PRSS27: variants seen among roughly 807,000 people sequenced by gnomAD.
PRSS27 encodes the protein channel-activating protease 2.
A neutral mutation model predicts 32.0 loss-of-function variants in PRSS27; 25 were observed. The observed-to-expected ratio is 0.78, with a 90% confidence interval of 0.57 to 1.09. PRSS27 has a LOEUF of 1.09. PRSS27 is among the 50% of genes least tolerant of loss of function. PRSS27 has a pLI of 0.00. For missense variants in PRSS27, 401 were observed against 394.9 expected (o/e 1.02, Z -0.13); for synonymous variants, 178 against 172.2 (o/e 1.03, Z -0.26).
At position 2,713,108 on chromosome 16, in the gene PRSS27, T is replaced by G. The variant is rs114308287; in HGVS notation, c.679-294A>C. The G allele has an allele frequency of 4.8e-3, 2,362 of 496,372 alleles. 46 individuals are homozygous for G. Among genetic ancestry groups the G allele is most frequent in the African/African-American group, 0.041 (2,130 of 52,050 alleles). The allele number at this position is 496,372 out of a possible 1,614,324, so 30.7% of individuals were successfully genotyped here. ...TCCAGGAATCTGCTTTTTCTTTTTT[T>G]TTTTTATTGAGACGGAGTCTTGCTC... On this transcript the variant is annotated intron_variant, in intron 5 of 5. Coordinates refer to ENST00000302641, the MANE Select transcript of PRSS27 (RefSeq NM_031948.5).
intron 3 of PRSS27, 149 bp downstream of exon 3, chr16:2,715,569 G>A: frequency 1.7e-6 from 1 of 574,832 alleles, no homozygotes. Flanking sequence ...GGACCTAAGG[G>A]AAGCATCTGG....
chr16:2,713,850 C>T (rs1442273002), intron 4 of PRSS27, 152 bp from the exon 5 acceptor site: 3 of 1,014,354 alleles, frequency 3.0e-6, no homozygotes, highest in African/African-American at 1.6e-5. Flanking sequence ...TCCCTCCTTC[C>T]AGGCAGCAGG....
chr16:2,712,565 G>A lies in PRSS27; in HGVS notation c.*55C>T. Reference sequence around the variant, plus strand: ...GCTGGGAGGACCAGCAGGATGGTGTGGGCGGGCAGGCTGGGTGCAGAGCTC... The same window carrying A: ...GCTGGGAGGACCAGCAGGATGGTGTAGGCGGGCAGGCTGGGTGCAGAGCTC... On this transcript the variant is annotated 3_prime_UTR_variant, in exon 6 of 6. Transcript: ENST00000302641. The surrounding 1 kb of genome is among the most constrained non-coding windows in gnomAD (Gnocchi z 4.6). 1 of 1,472,212 alleles carries A rather than the reference G, an allele frequency of 6.8e-7. No homozygotes were observed. The highest frequency in any genetic ancestry group is 1.2e-5 in the South Asian group (1 of 80,802). 91.2% of individuals were successfully genotyped at this position (1,472,212 alleles called of 1,614,324 possible).
In PRSS27 at chr16:2,712,968, C is replaced by A; in HGVS notation, c.679-154G>T. On this transcript the variant is annotated intron_variant, in intron 5 of 5. Transcript: ENST00000302641. This position sits in a 1 kb window ranked among gnomAD's most constrained non-coding sequence, Gnocchi z 4.6. ...CCCCATCCCCTGCCAGTCCGATTGT[C>A]TAAAGTGCCTATTCTTTAGTGTCCC... is the stretch of plus-strand genomic sequence containing the variant. The A allele has an allele frequency of 1.6e-6, 1 of 617,482 alleles. No individual in the cohort carries two copies. The highest frequency in any genetic ancestry group is 2.8e-6 in the Non-Finnish European group (1 of 360,704). The allele number at this position is 617,482 out of a possible 1,614,324, so 38.3% of individuals were successfully genotyped here.
At chr16:2,719,224 C>T (rs946382811) in intron 1 of PRSS27, among the ~76,000 whole-genome samples, 6 of 152,164 alleles carry the variant, frequency 3.9e-5, no homozygotes, top group African/African-American at 1.4e-4. Context: ...CTCCTGTGCA[C>T]ATGGCTTGCT....
chr16:2,713,091 TCTG>T, intron 5 of PRSS27: 1 of 522,930 alleles, frequency 1.9e-6, no homozygotes, highest in Non-Finnish European at 3.4e-6. Context: ...GGTCCAGGAA[TCTG>T]CTTTTTCTTT....
intron 1 of PRSS27, among the ~76,000 whole-genome samples, chr16:2,718,938 T>C (rs2067718843): frequency 6.6e-6 from 1 of 151,788 alleles, no homozygotes; most frequent in East Asian, 1.9e-4. Context: ...CTGTGGGGGC[T>C]GGAAGCAACA....
In PRSS27 at chr16:2,715,774, G is replaced by T. The variant is rs769173151; in HGVS notation, c.180C>A (p.Cys60Ter). The T allele has an allele frequency of 1.3e-6, 2 of 1,596,084 alleles. No homozygotes were observed. The highest frequency in any genetic ancestry group is 1.7e-6 in the Non-Finnish European group (2 of 1,174,442). Reference protein sequence around the residue: ...VSIQRNGSHFCGGSLIAEQWV... With the variant: ...VSIQRNGSHF ...ACTGCTCCGCGATGAGGCTGCCCCC[G>T]CAGAAGTGGCTTCCGTTGCGCTGGA... The change falls in exon 3 of 6, where the codon TGC becomes TGA. Residue 60 changes from cysteine (C) to a stop codon, truncating the protein, a stop_gained. Transcript: ENST00000302641. LOFTEE classifies it high-confidence loss of function.
chr16:2,715,641 G>T, intron 3 of PRSS27, 77 bp downstream of exon 3: 2 of 1,199,614 alleles, frequency 1.7e-6, no homozygotes, highest in Non-Finnish European at 2.2e-6. Flanking sequence ...CGCGGCGGGC[G>T]CTGTCCACGG....
chr16:2,718,486 T>A (rs1030395314), intron 1 of PRSS27: 1 of 151,742 alleles, frequency 6.6e-6, no homozygotes, highest in African/African-American at 2.4e-5. Flanking sequence ...CCCGGCTAAT[T>A]TTTTTGTATT....
chr16:2,714,544 CT>C lies in PRSS27; in HGVS notation c.237-209del, dbSNP rs2067689256. ...CCGACTCAGATTTCCACCTCCACCCCTGGCCGCTGTGTGGCCTTGGGCAAGT... is the reference window on the plus strand; with the variant it reads ...CCGACTCAGATTTCCACCTCCACCCCGGCCGCTGTGTGGCCTTGGGCAAGT... On this transcript the variant is annotated intron_variant, in intron 3 of 5. Transcript: ENST00000302641. The surrounding 1 kb of genome is among the most constrained non-coding windows in gnomAD (Gnocchi z 4.7). 8.1e-6 allele frequency: 5 copies of C among 618,572 alleles called. No homozygotes were observed. In the Admixed American group the frequency reaches 8.4e-5, roughly 10 times the overall value. 38.3% of individuals were successfully genotyped at this position (618,572 alleles called of 1,614,324 possible).
chr16:2,712,686 G>C lies in PRSS27; in HGVS notation c.807C>G (p.His269Gln), dbSNP rs761034748. ...PGVYIRVTAHHNWIHRIIPKL... is the reference protein window; with the variant it reads ...PGVYIRVTAHQNWIHRIIPKL... The stretch of plus-strand genomic sequence containing the variant: ...TGGGGATGATCCGATGGATCCAGTT[G>C]TGGTGGGCGGTGACACGGATGTAGA... The change falls in exon 6 of 6, where the codon CAC becomes CAG. Residue 269 changes from histidine to glutamine, a missense_variant. Physicochemically the swap from His to Gln is conservative, Grantham distance 24. Coordinates refer to ENST00000302641, the MANE Select transcript of PRSS27 (RefSeq NM_031948.5). The surrounding 1 kb of genome is among the most constrained non-coding windows in gnomAD (Gnocchi z 4.6). 6.3e-7 allele frequency: 1 copy of C among 1,598,768 alleles called. No homozygotes were observed. Among genetic ancestry groups the C allele is most frequent in the South Asian group, 1.1e-5 (1 of 88,466 alleles).
intron 3 of PRSS27, chr16:2,715,275 C>T (rs1459048291): frequency 6.2e-6 from 1 of 162,182 alleles, no homozygotes; most frequent in Non-Finnish European, 1.3e-5. Context: ...CTGCTCAGGG[C>T]TTTCTGGGGT....
chr16:2,714,358 C>G lies in PRSS27; in HGVS notation c.237-22G>C. 1 of 1,607,280 alleles carries G rather than the reference C, an allele frequency of 6.2e-7. No homozygotes were observed. Among genetic ancestry groups the G allele is most frequent in the South Asian group, 1.1e-5 (1 of 90,832 alleles). On this transcript the variant is annotated intron_variant, in intron 3 of 5. Coordinates refer to ENST00000302641, the MANE Select transcript of PRSS27 (RefSeq NM_031948.5). The surrounding 1 kb of genome is among the most constrained non-coding windows in gnomAD (Gnocchi z 4.7). ...GGTGCTGGCGGGAGAAACAGAGAGG[C>G]GGCGTGAGGCGGCCCCTCGTGTGGG...
intron 4 of PRSS27, 96 bp downstream of exon 4, chr16:2,713,969 T>C (rs1051910644): frequency 2.6e-5 from 35 of 1,323,768 alleles, no homozygotes; most frequent in African/African-American, 5.9e-5. Flanking sequence ...TGTATTAATA[T>C]AGCAACAGGA....
chr16:2,713,625 G>A lies in PRSS27; in HGVS notation c.582C>T (p.Leu194=). 6.2e-7 allele frequency: 1 copy of A among 1,614,210 alleles called. No homozygotes were observed. Among genetic ancestry groups the A allele is most frequent in the South Asian group, 1.1e-5 (1 of 91,080 alleles). The change falls in exon 5 of 6, where the codon CTC becomes CTT. Residue 194 remains leucine, a synonymous_variant. Transcript: ENST00000302641. ...PIIDTPKCNL[L]YSKDTEFGYQ... is the part of the protein sequence containing the mutation. ...AGCCAAACTCGGTGTCTTTGCTGTA[G>A]AGCAGGTTGCACTTGGGTGTGTCGA...
chr16:2,715,902 G>A lies in PRSS27; in HGVS notation c.74-22C>T, dbSNP rs374595137. On this transcript the variant is annotated intron_variant, in intron 2 of 5. Coordinates refer to ENST00000302641, the MANE Select transcript of PRSS27 (RefSeq NM_031948.5). ...CAGGCTGGGGGAGCATGGGGAGCGG[G>A]TGGGGGCGCTCACTGGGGCTGGTTC... is the stretch of plus-strand genomic sequence containing the variant. 44 of 1,538,540 alleles carry A rather than the reference G, an allele frequency of 2.9e-5. No individual in the cohort carries two copies. The African/African-American group carries it at 5.6e-4, about 20-fold the overall frequency.
chr16:2,719,097 C>T (rs1042242043), intron 1 of PRSS27, among the ~76,000 whole-genome samples: 1 of 152,164 alleles, frequency 6.6e-6, no homozygotes, highest in South Asian at 2.1e-4. Context: ...AGGACGTGTC[C>T]AGGAGTCCAG....
At chr16:2,713,395 G>A in intron 5 of PRSS27, 134 bp downstream of exon 5, 2 of 960,992 alleles carry the variant, frequency 2.1e-6, no homozygotes, top group Non-Finnish European at 1.7e-6. Flanking sequence ...ACCACACCCG[G>A]CCCTGGAATC....
Sources: gnomAD v4.1 joint callset for allele counts (sites outside exome capture counted in the v4.1 genomes callset) on GRCh38, gnomAD v4.1.1 for gene constraint, Gnocchi (gnomAD v3.1) non-coding constraint, MANE v1.5 for transcripts, NCBI Gene and HGNC (gene_info 2026-07-23, HGNC 2026-07-21) for gene names.